NRCAM: variants seen among roughly 807,000 people sequenced by gnomAD.
NRCAM encodes neuronal cell adhesion molecule, also known as NgCAM-related cell adhesion molecule.
Under a neutral mutation model 156.5 loss-of-function variants are expected in NRCAM, and 83 were observed. The ratio of observed to expected loss-of-function variants is 0.53; its 90% confidence interval spans 0.44 to 0.64. NRCAM has a LOEUF of 0.64. Ranked by LOEUF, NRCAM falls within the 30% of genes least tolerant of loss-of-function variation. NRCAM has a pLI of 0.00. For missense variants in NRCAM, 1,417 were observed against 1,597.3 expected, an observed-to-expected ratio of 0.89 and a Z score of 1.92; for synonymous variants, 538 against 563.9, an observed-to-expected ratio of 0.95 and a Z score of 0.65.
rs2039907259 is a variant in NRCAM, at chr7:108,148,704, G to A, written c.*1206C>T. 6.6e-6 allele frequency: 1 copy of A among 152,578 alleles called. No individual in the cohort carries two copies. Among genetic ancestry groups the A allele is most frequent in the Admixed American group, 6.5e-5 (1 of 15,282 alleles). 9.5% of individuals were successfully genotyped at this position (152,578 alleles called of 1,614,324 possible). On this transcript the variant is annotated 3_prime_UTR_variant, in exon 33 of 33. Coordinates refer to ENST00000379028, the MANE Select transcript of NRCAM (RefSeq NM_001037132.4). The stretch of plus-strand genomic sequence containing the variant: ...TGAACACTTACATAGGTAAAGTCTT[G>A]GAGAATAATATATTACTGTTGGCAT...
At chr7:108,267,798 A>T (rs1407676032) in intron 3 of NRCAM, among the ~76,000 whole-genome samples, 1 of 152,234 alleles carries the variant, frequency 6.6e-6, no homozygotes, top group Admixed American at 6.5e-5. Context: ...TCAAGGGTAA[A>T]ATAGGACAAA....
At position 108,343,189 on chromosome 7, in the gene NRCAM, G is replaced by A. The variant is rs941734407; in HGVS notation, c.-173-30458C>T. Among the ~76,000 whole-genome samples the A allele has an allele frequency of 2.0e-5, 3 of 152,118 alleles. No individual in the cohort carries two copies. In the East Asian group the frequency reaches 5.8e-4, roughly 29 times the overall value. ...TAATCCCCTCACTCCAGGAACTAGT[G>A]CTCAGCTGGCAGAACTAATAGCCCT... is the stretch of plus-strand genomic sequence containing the variant. On this transcript the variant is annotated intron_variant, in intron 2 of 32. Transcript: ENST00000379028.
chr7:108,275,941 T>C (rs748413555), intron 3 of NRCAM, among the ~76,000 whole-genome samples: 1 of 152,226 alleles, frequency 6.6e-6, no homozygotes, highest in Non-Finnish European at 1.5e-5. Flanking sequence ...GTGTCTTTGT[T>C]CTCGTTGGTT....
intron 3 of NRCAM, among the ~76,000 whole-genome samples, chr7:108,277,300 A>G (rs1221088858): frequency 1.3e-5 from 2 of 152,154 alleles, no homozygotes; most frequent in Non-Finnish European, 2.9e-5. Flanking sequence ...AGGTTGGGGA[A>G]GTTCTCCTGG....
chr7:108,215,609 AT>A, intron 11 of NRCAM, among the ~76,000 whole-genome samples: 1 of 151,856 alleles, frequency 6.6e-6, no homozygotes, highest in East Asian at 1.9e-4. Flanking sequence ...GGCTCCATAT[AT>A]TTTTGGGATA....
intron 2 of NRCAM, among the ~76,000 whole-genome samples, chr7:108,324,877 C>CATTTTTTTTTTTTTTTTTTT (rs201240389): frequency 4.8e-5 from 4 of 82,676 alleles, no homozygotes; most frequent in African/African-American, 5.1e-5. Flanking sequence ...TGGCACTGTA[C>CATTTTTTTTTTTTTTTTTTT]TTTTTTTTTT....
chr7:108,387,462 C>T (rs954810709), intron 2 of NRCAM, among the ~76,000 whole-genome samples: 9 of 152,014 alleles, frequency 5.9e-5, no homozygotes, highest in Admixed American at 3.9e-4. Flanking sequence ...ATGCAATGAA[C>T]GTTTCCTATG....
chr7:108,283,215 ATTGT>A, intron 3 of NRCAM, among the ~76,000 whole-genome samples: 1 of 152,364 alleles, frequency 6.6e-6, no homozygotes, highest in East Asian at 1.9e-4. Flanking sequence ...AATTCTTCAG[ATTGT>A]TAGTGAAAGA....
chr7:108,284,429 C>T (rs1412497638), intron 3 of NRCAM, among the ~76,000 whole-genome samples: 25 of 152,280 alleles, frequency 1.6e-4, no homozygotes. Flanking sequence ...AGTCAGTACC[C>T]TCCAGTCCAT....
intron 22 of NRCAM, 35 bp from the exon 23 acceptor site, chr7:108,182,955 A>G: frequency 6.5e-7 from 1 of 1,533,306 alleles, no homozygotes; most frequent in Non-Finnish European, 9.0e-7. Flanking sequence ...AGCTTATAAC[A>G]CAAATCAACT....
chr7:108,158,880 C>T (rs1015951288), intron 32 of NRCAM, among the ~76,000 whole-genome samples: 32 of 152,020 alleles, frequency 2.1e-4, no homozygotes, highest in African/African-American at 7.0e-4. Context: ...AACATTTTCC[C>T]TTAATGATGG....
At chr7:108,291,138 G>T (rs2098276922) in intron 3 of NRCAM, among the ~76,000 whole-genome samples, 1 of 152,106 alleles carries the variant, frequency 6.6e-6, no homozygotes, top group Non-Finnish European at 1.5e-5. Flanking sequence ...CTGCATTTCT[G>T]GGCAACTCCT....
At chr7:108,345,909 G>A (rs1345994391) in intron 2 of NRCAM, among the ~76,000 whole-genome samples, 1 of 152,198 alleles carries the variant, frequency 6.6e-6, no homozygotes, top group East Asian at 1.9e-4. Context: ...CTGTGGGGGA[G>A]CCCAGGAGTC....
rs1390363058 is a variant in NRCAM at position 108,399,421 on chromosome 7, C to T, written c.-174+15G>A. The T allele has an allele frequency of 6.6e-6, 1 of 152,152 alleles. No homozygotes were observed. The highest frequency in any genetic ancestry group is 2.4e-5 in the African/African-American group (1 of 41,442). The allele number at this position is 152,152 out of a possible 1,614,324, so 9.4% of individuals were successfully genotyped here. A position where few individuals can be genotyped will look rare whatever the true frequency, so the allele number is the denominator to read the frequency against. On this transcript the variant is annotated intron_variant, in intron 2 of 32. Transcript: ENST00000379028. ...CAGTCTTGTAAAGACAAAGAGAGAA[C>T]TAATTCACTCTCACCTTCAGAAGGT... is the stretch of plus-strand genomic sequence containing the variant.
chr7:108,265,574 A>C (rs1407725790), intron 3 of NRCAM, among the ~76,000 whole-genome samples: 1 of 152,162 alleles, frequency 6.6e-6, no homozygotes, highest in Non-Finnish European at 1.5e-5. Flanking sequence ...AGTGCAAAAC[A>C]CTCATGTTTT....
At chr7:108,212,904 G>A (rs1357930715) in intron 11 of NRCAM, among the ~76,000 whole-genome samples, 2 of 152,104 alleles carry the variant, frequency 1.3e-5, no homozygotes, top group Non-Finnish European at 2.9e-5. Context: ...AAGAACACCT[G>A]GAAAACTCAT....
At chr7:108,354,293 G>A (rs1268650406) in intron 2 of NRCAM, among the ~76,000 whole-genome samples, 2 of 152,072 alleles carry the variant, frequency 1.3e-5, no homozygotes, top group African/African-American at 4.8e-5. Context: ...ATACTCATTC[G>A]AAGTGACTAC....
intron 2 of NRCAM, among the ~76,000 whole-genome samples, chr7:108,366,519 T>G (rs2099592670): frequency 6.6e-6 from 1 of 152,234 alleles, no homozygotes; most frequent in Non-Finnish European, 1.5e-5. Context: ...AACTTGAATT[T>G]AAATGTTAGT....
At chr7:108,347,357 T>A (rs1025492938) in intron 2 of NRCAM, among the ~76,000 whole-genome samples, 7 of 152,160 alleles carry the variant, frequency 4.6e-5, no homozygotes, top group African/African-American at 1.7e-4. Context: ...TAGACTGTGC[T>A]GCTGTAGAAA....
Sources: gnomAD v4.1 joint callset for allele counts (sites outside exome capture counted in the v4.1 genomes callset) on GRCh38, gnomAD v4.1.1 for gene constraint, MANE v1.5 for transcripts, NCBI Gene and HGNC (gene_info 2026-07-23, HGNC 2026-07-21) for gene names.